Variants in JAG2 observed in about 807,000 individuals in gnomAD.
The protein encoded by JAG2 is protein jagged-2.
JAG2 carries 46 observed loss-of-function variants against 141.7 expected under a neutral mutation model. That is an observed-to-expected ratio of 0.32 (90% CI 0.26 to 0.42). The LOEUF is 0.42. Among genes scored for constraint, JAG2 ranks in the 10% least tolerant of loss-of-function variants. JAG2 has a pLI of 1.00. For missense variants in JAG2, 1,500 were observed against 1,817.5 expected (o/e 0.83, Z 3.18); for synonymous variants, 862 against 763.5 (o/e 1.13, Z -2.13).
rs375751284 is a variant in JAG2, at chr14:105,142,759, C to T, written c.3653G>A (p.Gly1218Asp). Residue 1218 changes from glycine to aspartate, a missense_variant, in exon 26 of 26, where the codon GGC becomes GAC. Transcript: ENST00000331782. ...GACCGCGCGGTTGTCCACTTTGGGG[C>T]CTGAGGCCCAGTGGGCCGGCCTCCC... is the stretch of plus-strand genomic sequence containing the variant. Reference protein sequence around the residue: ...SPGRPAHWASGPKVDNRAVRS... With the variant: ...SPGRPAHWASDPKVDNRAVRS... The T allele has an allele frequency of 1.2e-5, 19 of 1,610,338 alleles. No homozygotes were observed. Among genetic ancestry groups the T allele is most frequent in the Non-Finnish European group, 1.6e-5 (19 of 1,178,938 alleles).
chr14:105,151,213 C>CGCAGCCCCA (rs3830678), intron 9 of JAG2, 70 bp downstream of exon 9: 820,527 of 1,370,350 alleles, frequency 0.6, 253,713 homozygotes, highest in African/African-American at 0.69. Context: ...CAGCAGCCCC[C>CGCAGCCCCA]GCAGCCCCAG....
Position 105,142,877 on chromosome 14 carries a change from C to A in JAG2, c.3535G>T (p.Glu1179Ter). 1 of 1,605,518 alleles carries A rather than the reference C, an allele frequency of 6.2e-7. No homozygotes were observed. Among genetic ancestry groups the A allele is most frequent in the Non-Finnish European group, 8.5e-7 (1 of 1,176,362 alleles). The change falls in exon 26 of 26, where the codon GAG (glutamate) becomes TAG (stop). Residue 1179 changes from glutamate (E) to a stop codon, truncating the protein, a stop_gained. Coordinates refer to ENST00000331782, the MANE Select transcript of JAG2 (RefSeq NM_002226.5). LOFTEE classifies it high-confidence loss of function. ...AGHAAVREDE[E>*]DEDLGRGEED... ...TCACCGCGGCCCAGATCCTCGTCCT[C>A]CTCATCCTCCCTGACGGCCGCGTGG...
intron 2 of JAG2, among the ~76,000 whole-genome samples, chr14:105,161,813 G>T (rs992345847): frequency 5.3e-5 from 8 of 151,250 alleles, no homozygotes; most frequent in Non-Finnish European, 1.2e-4. Context: ...GTCCTTCCAG[G>T]ACTCAGTTGC....
chr14:105,150,745 TG>T lies in JAG2; in HGVS notation c.1460del (p.Pro487HisfsTer99). The T allele has an allele frequency of 6.3e-7, 1 of 1,585,628 alleles. No homozygotes were observed. Among genetic ancestry groups the T allele is most frequent in the Non-Finnish European group, 8.6e-7 (1 of 1,166,488 alleles). On this transcript the variant is annotated frameshift_variant, in exon 12 of 26. Coordinates refer to ENST00000331782, the MANE Select transcript of JAG2 (RefSeq NM_002226.5). LOFTEE classifies it high-confidence loss of function. ...DLVNGYQCVC[P>X]RGFGGRHCEL... Reference sequence around the variant, plus strand: ...CGCAATGCCGGCCTCCGAAGCCCCGTGGGCACACACACTGGTACCCGTTCAC... The same window carrying T: ...CGCAATGCCGGCCTCCGAAGCCCCGTGGCACACACACTGGTACCCGTTCAC...
At chr14:105,162,518 G>A (rs373719808) in intron 2 of JAG2, among the ~76,000 whole-genome samples, 1,373 of 150,860 alleles carry the variant, frequency 9.1e-3, no homozygotes, top group African/African-American at 0.032. Flanking sequence ...AAAGCCCAGA[G>A]TATCCCACAG....
rs770121835 is a variant in JAG2 at position 105,147,907 on chromosome 14, G to A, written c.2249-19C>T. On this transcript the variant is annotated intron_variant, in intron 17 of 25. Coordinates refer to ENST00000331782, the MANE Select transcript of JAG2 (RefSeq NM_002226.5). ...TTCTTGGCTGTAAGGAGAGGAGGAG[G>A]AGGGAGCGTCTCACCTGGCCCTGGG... 47 of 1,530,506 alleles carry A rather than the reference G, an allele frequency of 3.1e-5. No individual in the cohort carries two copies. The Admixed American group carries it at 8.8e-4, about 29-fold the overall frequency. 94.8% of individuals were successfully genotyped at this position (1,530,506 alleles called of 1,614,324 possible). A position where few individuals can be genotyped will look rare whatever the true frequency, so the allele number is the denominator to read the frequency against.
intron 8 of JAG2, 40 bp from the exon 9 acceptor site, chr14:105,151,436 G>A (rs759808115): frequency 1.3e-6 from 2 of 1,576,176 alleles, no homozygotes; most frequent in South Asian, 1.1e-5. Context: ...GGCAGTGTGA[G>A]CCGTGGGAAT....
chr14:105,157,617 G>T, intron 3 of JAG2, 89 bp downstream of exon 3: 3 of 1,235,700 alleles, frequency 2.4e-6, no homozygotes, highest in Non-Finnish European at 3.4e-6. Context: ...GTAAAGCAAG[G>T]CTTTGTCCCA....
Position 105,142,866 on chromosome 14 carries a change from ATCCTCGTCC to A in JAG2, c.3537_3545del (p.Glu1179_Glu1181del), listed in dbSNP as rs768606153. On this transcript the variant is annotated inframe_deletion, in exon 26 of 26. Coordinates refer to ENST00000331782, the MANE Select transcript of JAG2 (RefSeq NM_002226.5). The stretch of plus-strand genomic sequence containing the variant: ...GGGAGTCCTCCTCACCGCGGCCCAG[ATCCTCGTCC>A]TCCTCATCCTCCCTGACGGCCGCGT... 2 of 1,607,218 alleles carry A rather than the reference ATCCTCGTCC, an allele frequency of 1.2e-6. No homozygotes were observed.
At chr14:105,164,100 C>T (rs1358633048) in intron 2 of JAG2, among the ~76,000 whole-genome samples, 5 of 151,954 alleles carry the variant, frequency 3.3e-5, no homozygotes, top group Non-Finnish European at 7.4e-5. Context: ...CTCCCCAACC[C>T]GCCCCTCCAC....
At chr14:105,153,476 C>T (rs897773310) in intron 5 of JAG2, among the ~76,000 whole-genome samples, 5 of 152,244 alleles carry the variant, frequency 3.3e-5, no homozygotes, top group Non-Finnish European at 4.4e-5. Context: ...GCCCAGACCT[C>T]GTGGGTCCCA....
intron 20 of JAG2, chr14:105,147,015 G>A (rs1284586172): frequency 1.7e-6 from 1 of 605,136 alleles, no homozygotes; most frequent in Non-Finnish European, 3.0e-6. Context: ...CAGACAGCTG[G>A]GCCAACACCC....
intron 20 of JAG2, 120 bp downstream of exon 20, chr14:105,147,206 A>G: frequency 1.3e-6 from 1 of 767,982 alleles, no homozygotes; most frequent in South Asian, 1.5e-5. Context: ...CTCAGAAGAG[A>G]GGCAGGAAGT....
rs1566763744 is a variant in JAG2 at position 105,151,195 on chromosome 14, A to AGCCCCC, written c.1267+87_1267+88insGGGGGC. ...CTGGCACCCGCAGCCCAGCAGCCCC[A>AGCCCCC]GCAGCCCCAGCAGCCCCCGCAGCCC... On this transcript the variant is annotated intron_variant, in intron 9 of 25. Transcript: ENST00000331782. The AGCCCCC allele has an allele frequency of 4.1e-6, 6 of 1,469,484 alleles. No individual in the cohort carries two copies. The East Asian group carries it at 9.8e-5, about 24-fold the overall frequency. 91.0% of individuals were successfully genotyped at this position (1,469,484 alleles called of 1,614,324 possible).
rs113663866 is a variant in JAG2, at chr14:105,152,649, G to A, written c.789-358C>T. On this transcript the variant is annotated intron_variant, in intron 5 of 25. Coordinates refer to ENST00000331782, the MANE Select transcript of JAG2 (RefSeq NM_002226.5). The stretch of plus-strand genomic sequence containing the variant: ...GGACTCACAAGGTGCTGCCAGGGCC[G>A]GGAGGCACCAGGGGCTGGGTAGGCC... Among the ~76,000 whole-genome samples the A allele has an allele frequency of 3.3e-4, 50 of 151,908 alleles. 1 individual carries two copies. The highest frequency in any genetic ancestry group is 1.2e-3 in the African/African-American group (48 of 41,406).
chr14:105,143,355 G>A (rs117935415), intron 25 of JAG2, 127 bp downstream of exon 25: 33,223 of 1,315,902 alleles, frequency 0.025, 492 homozygotes, highest in Non-Finnish European at 0.029. Context: ...TGGGCGGCTG[G>A]GGCAGCAGGT....
chr14:105,144,265 C>G (rs1408399302), intron 24 of JAG2, among the ~76,000 whole-genome samples: 2 of 152,054 alleles, frequency 1.3e-5, no homozygotes, highest in African/African-American at 2.4e-5. Context: ...CACCACATCC[C>G]TGATGGCGCC....
intron 2 of JAG2, among the ~76,000 whole-genome samples, chr14:105,164,374 C>T (rs1164907615): frequency 1.3e-5 from 2 of 152,198 alleles, no homozygotes; most frequent in Admixed American, 6.5e-5. Flanking sequence ...AGGAACAGAC[C>T]GATGCCCACC....
intron 22 of JAG2, 51 bp downstream of exon 22, chr14:105,146,334 C>G: frequency 6.8e-7 from 1 of 1,466,798 alleles, no homozygotes; most frequent in Non-Finnish European, 9.5e-7. Context: ...TGGCCAGGGT[C>G]AGCGTGCACC....
Sources: gnomAD v4.1 joint callset for allele counts (sites outside exome capture counted in the v4.1 genomes callset) on GRCh38, gnomAD v4.1.1 for gene constraint, MANE v1.5 for transcripts, NCBI Gene and HGNC (gene_info 2026-07-23, HGNC 2026-07-21) for gene names.